Variants in STAU1 observed in about 807,000 individuals in gnomAD.
The protein encoded by STAU1 is staufen double-stranded RNA binding protein 1.
STAU1 carries 13 observed loss-of-function variants against 62.9 expected under a neutral mutation model. That is an observed-to-expected ratio of 0.21 (90% confidence interval 0.13 to 0.33). The LOEUF is 0.33. Among genes scored for constraint, STAU1 ranks in the 10% least tolerant of loss-of-function variants. The pLI is 1.00. For missense variants in STAU1, 571 were observed against 712.1 expected (o/e 0.80, Z 2.25); for synonymous variants, 269 against 265.1 (o/e 1.01, Z -0.14).
the STAU1 span, among the ~76,000 whole-genome samples, chr20:49,203,469 A>C: frequency 2.6e-5 from 4 of 152,198 alleles, no homozygotes; most frequent in Admixed American, 2.6e-4. Context: ...TGATCAATAA[A>C]AAAAGCCAGA....
rs560336482 is a variant in STAU1, at chr20:49,124,271, G to A, written c.822+104C>T. On this transcript the variant is annotated intron_variant, in intron 7 of 13. Transcript: ENST00000371856. ...GTCTGGCAGGCCTGGGGTGTGGCACGTTGGTCTCATCCCCTTTCACCTTGG... is the reference window on the plus strand; with the variant it reads ...GTCTGGCAGGCCTGGGGTGTGGCACATTGGTCTCATCCCCTTTCACCTTGG... The A allele has an allele frequency of 1.0e-5, 12 of 1,192,898 alleles. No homozygotes were observed. The Admixed American group carries it at 1.0e-4, about 10-fold the overall frequency. 73.9% of individuals were successfully genotyped at this position (1,192,898 alleles called of 1,614,324 possible).
At chr20:49,218,889 G>A in the STAU1 span, among the ~76,000 whole-genome samples, 2 of 151,234 alleles carry the variant, frequency 1.3e-5, no homozygotes, top group African/African-American at 4.9e-5. Flanking sequence ...TGGTGGTGGC[G>A]CCTGTACCTC....
At chr20:49,173,471 G>A (rs977411736) in intron 2 of STAU1, among the ~76,000 whole-genome samples, 7 of 152,122 alleles carry the variant, frequency 4.6e-5, no homozygotes, top group Admixed American at 2.6e-4. Flanking sequence ...GAAAAGAAAA[G>A]CATTATACAA....
intron 4 of STAU1, 108 bp from the exon 5 acceptor site, chr20:49,151,855 G>A: frequency 2.1e-6 from 2 of 951,934 alleles, no homozygotes; most frequent in South Asian, 1.9e-5. Context: ...ACTCACATTA[G>A]TGTTTGATGC....
intron 5 of STAU1, among the ~76,000 whole-genome samples, chr20:49,139,420 T>C (rs1462012540): frequency 2.0e-5 from 3 of 152,136 alleles, no homozygotes; most frequent in African/African-American, 7.2e-5. Context: ...CACAGGCATT[T>C]CTCTAAAGAA....
chr20:49,173,538 C>T (rs1470964322), intron 2 of STAU1, among the ~76,000 whole-genome samples: 1 of 152,190 alleles, frequency 6.6e-6, no homozygotes, highest in Admixed American at 6.5e-5. Context: ...TCAATAATTT[C>T]CTTATGCTTC....
intron 1 of STAU1, among the ~76,000 whole-genome samples, chr20:49,183,882 A>G (rs1221045357): frequency 6.6e-6 from 1 of 152,130 alleles, no homozygotes; most frequent in African/African-American, 2.4e-5. Context: ...TTAAATAAAG[A>G]CCAAACACTT....
chr20:49,181,965 C>A (rs1173006471), intron 1 of STAU1, among the ~76,000 whole-genome samples: 1 of 151,988 alleles, frequency 6.6e-6, no homozygotes, highest in Non-Finnish European at 1.5e-5. Context: ...TGTTATAAAC[C>A]CACATAGTCA....
chr20:49,169,919 A>C (rs2093575447), intron 2 of STAU1, among the ~76,000 whole-genome samples: 1 of 152,208 alleles, frequency 6.6e-6, no homozygotes, highest in Non-Finnish European at 1.5e-5. Context: ...AAGATTCCTT[A>C]ATTCCATGTC....
chr20:49,187,797 C>T (rs1367836238), intron 1 of STAU1, among the ~76,000 whole-genome samples: 1 of 150,614 alleles, frequency 6.6e-6, no homozygotes, highest in Non-Finnish European at 1.5e-5. Context: ...CCGCCTGCGC[C>T]CCAGCCCCGG....
intron 5 of STAU1, among the ~76,000 whole-genome samples, chr20:49,150,849 C>T (rs192410790): frequency 6.6e-6 from 1 of 152,262 alleles, no homozygotes; most frequent in Non-Finnish European, 1.5e-5. Flanking sequence ...GCCACCATAA[C>T]ATGAAGAAGT....
intron 3 of STAU1, 107 bp from the exon 4 acceptor site, chr20:49,154,178 T>C: frequency 8.3e-7 from 1 of 1,209,388 alleles, no homozygotes; most frequent in Non-Finnish European, 1.1e-6. Context: ...CATGATACTT[T>C]ACATAAAAGG....
At chr20:49,212,706 T>G in the STAU1 span, among the ~76,000 whole-genome samples, 1 of 144,618 alleles carries the variant, frequency 6.9e-6, no homozygotes, top group Non-Finnish European at 1.5e-5. Flanking sequence ...ACCTCCCAAG[T>G]TCAAGCAATT....
chr20:49,136,401 A>G (rs1328879449), intron 5 of STAU1, among the ~76,000 whole-genome samples: 1 of 152,226 alleles, frequency 6.6e-6, no homozygotes, highest in African/African-American at 2.4e-5. Context: ...ACCAAGTGTC[A>G]CTGAATTTAA....
the STAU1 span, among the ~76,000 whole-genome samples, chr20:49,195,535 C>CAAAAAAAAAAAAAAAA: frequency 1.1e-3 from 42 of 38,142 alleles, no homozygotes; most frequent in Admixed American, 1.9e-3. Context: ...GACTCCGTCT[C>CAAAAAAAAAAAAAAAA]AAAAAAAAAA....
intron 1 of STAU1, among the ~76,000 whole-genome samples, chr20:49,186,005 C>G (rs1189034315): frequency 6.6e-6 from 1 of 152,032 alleles, no homozygotes; most frequent in Non-Finnish European, 1.5e-5. Flanking sequence ...CCACACCAGG[C>G]TCAAGAGATA....
At chr20:49,214,535 A>T in the STAU1 span, among the ~76,000 whole-genome samples, 2 of 144,514 alleles carry the variant, frequency 1.4e-5, no homozygotes, top group African/African-American at 5.0e-5. Flanking sequence ...AAAAAAAAAC[A>T]ATAACAAGAA....
At position 49,118,182 on chromosome 20, in the gene STAU1, C is replaced by A; in HGVS notation, c.1190-86G>T. ...CACCATCAAACCCCACGCTGGCCCT[C>A]CCCTTGGCACGCATGGCAGCGCAGG... On this transcript the variant is annotated intron_variant, in intron 10 of 13. Transcript: ENST00000371856. The A allele has an allele frequency of 7.7e-6, 11 of 1,432,998 alleles. No individual in the cohort carries two copies. The South Asian group carries it at 1.1e-4, about 14-fold the overall frequency. The allele number at this position is 1,432,998 out of a possible 1,614,324, so 88.8% of individuals were successfully genotyped here.
upstream of STAU1, among the ~76,000 whole-genome samples, chr20:49,189,619 CA>C (rs71186430): frequency 0.011 from 606 of 55,330 alleles, 3 homozygotes; most frequent in African/African-American, 0.031. Flanking sequence ...GACTCTGTCT[CA>C]AAAAAAAAAA....
Sources: gnomAD v4.1 joint callset for allele counts (sites outside exome capture counted in the v4.1 genomes callset) on GRCh38, gnomAD v4.1.1 for gene constraint, MANE v1.5 for transcripts, NCBI Gene and HGNC (gene_info 2026-07-23, HGNC 2026-07-21) for gene names.